Variants in NPNT observed in about 807,000 individuals in gnomAD.
NPNT encodes the protein nephronectin, also known as preosteoblast EGF-like repeat protein with MAM domain.
A neutral mutation model predicts 68.6 loss-of-function variants in NPNT; 45 were observed. The ratio of observed to expected loss-of-function variants is 0.66; its 90% confidence interval spans 0.52 to 0.84. The LOEUF is 0.84. Among genes scored for constraint, NPNT ranks in the 40% least tolerant of loss-of-function variants. The pLI, the probability that NPNT is intolerant of heterozygous loss-of-function variation, is 0.00. For missense variants in NPNT, 672 were observed against 714.8 expected, an observed-to-expected ratio of 0.94 and a Z score of 0.68; for synonymous variants, 233 against 253.3, an observed-to-expected ratio of 0.92 and a Z score of 0.76.
intron 10 of NPNT, among the ~76,000 whole-genome samples, chr4:105,960,782 G>A (rs1156885563): frequency 6.6e-6 from 1 of 150,432 alleles, no homozygotes; most frequent in East Asian, 1.9e-4. Flanking sequence ...GTGTGTGTGT[G>A]TATACAATAT....
At chr4:105,934,001 A>G (rs1729325133) in intron 3 of NPNT, among the ~76,000 whole-genome samples, 1 of 152,124 alleles carries the variant, frequency 6.6e-6, no homozygotes, top group African/African-American at 2.4e-5. Context: ...TTCCTATTTT[A>G]TAGATTTTCC....
At position 105,930,250 on chromosome 4, in the gene NPNT, C is replaced by T. The variant is rs141502333; in HGVS notation, c.265+2822C>T. 3.5e-3 allele frequency among the ~76,000 whole-genome samples: 526 copies of T among 152,306 alleles called. 4 individuals are homozygous for T. The highest frequency in any genetic ancestry group is 0.012 in the African/African-American group (507 of 41,568). Reference sequence around the variant, plus strand: ...TTCCTGAAAACTATTATTAAAGTGACTTGCACATGGTAAATGCACACTAAA... The same window carrying T: ...TTCCTGAAAACTATTATTAAAGTGATTTGCACATGGTAAATGCACACTAAA... On this transcript the variant is annotated intron_variant, in intron 3 of 11. Coordinates refer to ENST00000379987, the MANE Select transcript of NPNT (RefSeq NM_001033047.3).
chr4:105,942,232 T>G, intron 7 of NPNT, 75 bp from the exon 8 acceptor site: 1 of 1,158,992 alleles, frequency 8.6e-7, no homozygotes, highest in South Asian at 1.6e-5. Context: ...TAGATGTTTT[T>G]ATGTCTGTCA....
intron 1 of NPNT, among the ~76,000 whole-genome samples, chr4:105,896,731 C>G (rs1311369927): frequency 6.6e-6 from 1 of 152,098 alleles, no homozygotes; most frequent in Non-Finnish European, 1.5e-5. Context: ...TTCTTGTACC[C>G]GGAGGCGAAC....
At chr4:105,908,323 CT>C (rs1308159864) in intron 2 of NPNT, among the ~76,000 whole-genome samples, 1 of 151,920 alleles carries the variant, frequency 6.6e-6, no homozygotes, top group Non-Finnish European at 1.5e-5. Flanking sequence ...TGATCAATAT[CT>C]TTTTAACCAT....
intron 2 of NPNT, among the ~76,000 whole-genome samples, chr4:105,902,455 A>G (rs1726497754): frequency 6.6e-6 from 1 of 152,222 alleles, no homozygotes. Flanking sequence ...GATTGCTAGC[A>G]GAATTCTGGG....
chr4:105,963,825 A>G (rs1731919317), intron 10 of NPNT, among the ~76,000 whole-genome samples: 1 of 151,598 alleles, frequency 6.6e-6, no homozygotes, highest in South Asian at 2.1e-4. Context: ...AAATACACAT[A>G]AATGTAAAAT....
chr4:105,945,355 C>G (rs758597898), intron 8 of NPNT, among the ~76,000 whole-genome samples: 1 of 152,088 alleles, frequency 6.6e-6, no homozygotes, highest in African/African-American at 2.4e-5. Flanking sequence ...GACCTCTCCC[C>G]CAAACTCTAG....
At chr4:105,958,417 T>C in intron 8 of NPNT, 54 bp from the exon 9 acceptor site, 1 of 1,037,014 alleles carries the variant, frequency 9.6e-7, no homozygotes, top group Admixed American at 1.9e-5. Flanking sequence ...AATGCCTCTT[T>C]ATCAATACTT....
At chr4:105,906,023 C>T (rs1480509484) in intron 2 of NPNT, among the ~76,000 whole-genome samples, 2 of 152,078 alleles carry the variant, frequency 1.3e-5, no homozygotes, top group Admixed American at 6.6e-5. Flanking sequence ...TATAAAGTGG[C>T]TTCCAGGAAT....
chr4:105,924,196 G>A (rs934081810), intron 2 of NPNT, among the ~76,000 whole-genome samples: 1 of 151,910 alleles, frequency 6.6e-6, no homozygotes, highest in African/African-American at 2.4e-5. Context: ...CCCTTGTTGT[G>A]GTTTAGCCAA....
At chr4:105,949,550 G>A (rs1389062290) in intron 8 of NPNT, among the ~76,000 whole-genome samples, 2 of 152,066 alleles carry the variant, frequency 1.3e-5, no homozygotes, top group African/African-American at 2.4e-5. Context: ...TTGCTGCAGG[G>A]GATTGTTAAA....
chr4:105,931,599 C>T lies in NPNT; in HGVS notation c.265+4171C>T, dbSNP rs756559025. On this transcript the variant is annotated intron_variant, in intron 3 of 11. Coordinates refer to ENST00000379987, the MANE Select transcript of NPNT (RefSeq NM_001033047.3). ...CAGCACTTTGGAAGGCCGAGGCGGG[C>T]GGATCACGAGGTCAGGATATCGAGA... Among the ~76,000 whole-genome samples, 6 of 146,142 alleles carry T rather than the reference C, an allele frequency of 4.1e-5. No individual in the cohort carries two copies. In the South Asian group the frequency reaches 6.4e-4, roughly 16 times the overall value.
At chr4:105,917,554 T>A (rs975040093) in intron 2 of NPNT, among the ~76,000 whole-genome samples, 2 of 152,172 alleles carry the variant, frequency 1.3e-5, no homozygotes, top group African/African-American at 2.4e-5. Context: ...GAAAATATGG[T>A]ATAAGATATA....
intron 2 of NPNT, among the ~76,000 whole-genome samples, chr4:105,915,048 G>A (rs1727689376): frequency 6.6e-6 from 1 of 152,212 alleles, no homozygotes; most frequent in Admixed American, 6.5e-5. Flanking sequence ...GCACTCAGGT[G>A]AATTTAGTTT....
intron 5 of NPNT, among the ~76,000 whole-genome samples, chr4:105,939,264 A>G (rs1191113929): frequency 6.6e-6 from 1 of 152,238 alleles, no homozygotes; most frequent in South Asian, 2.1e-4. Flanking sequence ...TATTAGCCTT[A>G]AGGTAAGACC....
At position 105,895,509 on chromosome 4, in the gene NPNT, T is replaced by C; in HGVS notation, c.-144T>C. ...GCTCCGGCCGCGCGCCTCGCCGCTG[T>C]CCTCCGGGAGCGGCAGCAGTAGCCC... On this transcript the variant is annotated 5_prime_UTR_variant, in exon 1 of 12. Transcript: ENST00000379987. 2 of 661,540 alleles carry C rather than the reference T, an allele frequency of 3.0e-6. No individual in the cohort carries two copies. The highest frequency in any genetic ancestry group is 2.0e-5 in the South Asian group (1 of 49,806). The allele number at this position is 661,540 out of a possible 1,614,324, so 41.0% of individuals were successfully genotyped here.
intron 3 of NPNT, chr4:105,932,628 G>C: frequency 6.5e-7 from 1 of 1,535,758 alleles, no homozygotes. Context: ...GCACATCCCA[G>C]CTCCTCTTGA....
intron 2 of NPNT, among the ~76,000 whole-genome samples, chr4:105,919,007 G>T (rs9992511): frequency 0.076 from 11,498 of 152,036 alleles, 799 homozygotes; most frequent in African/African-American, 0.19. Flanking sequence ...GGTAGAGCTG[G>T]GATCCCAGCA....
Sources: gnomAD v4.1 joint callset for allele counts (sites outside exome capture counted in the v4.1 genomes callset) on GRCh38, gnomAD v4.1.1 for gene constraint, MANE v1.5 for transcripts, NCBI Gene and HGNC (gene_info 2026-07-23, HGNC 2026-07-21) for gene names.